Variants in FMN1 observed in about 807,000 individuals in gnomAD.
The protein encoded by FMN1 is formin-1.
Under a neutral mutation model 132.4 loss-of-function variants are expected in FMN1, and 110 were observed. The ratio of observed to expected loss-of-function variants is 0.83; its 90% CI spans 0.71 to 0.97. FMN1 has a LOEUF of 0.97. Ranked by LOEUF, FMN1 falls within the 50% of genes least tolerant of loss-of-function variation. The pLI is 0.00. For missense variants in FMN1, 1,792 were observed against 1,705.3 expected (o/e 1.05, Z -0.90); for synonymous variants, 722 against 651.7 (o/e 1.11, Z -1.64).
rs745802942 is a variant in FMN1 at position 33,154,402 on chromosome 15, G to A, written c.513C>T (p.Ala171=). ...RSSGRRESFG[A]LPQKRTKRKG... is the part of the protein sequence containing the mutation. ...TTCTTTTGGTCCTCTTCTGTGGAAGGGCCCCAAAGCTCTCTCTCCTTCCAC... is the reference window on the plus strand; with the variant it reads ...TTCTTTTGGTCCTCTTCTGTGGAAGAGCCCCAAAGCTCTCTCTCCTTCCAC... The change falls in exon 4 of 21, where the codon GCC becomes GCT. Residue 171 remains alanine, a synonymous_variant. Coordinates refer to ENST00000616417, the MANE Select transcript of FMN1 (RefSeq NM_001277313.2). 6.5e-7 allele frequency: 1 copy of A among 1,536,040 alleles called. No homozygotes were observed. Among genetic ancestry groups the A allele is most frequent in the South Asian group, 1.2e-5 (1 of 84,056 alleles).
intron 4 of FMN1, among the ~76,000 whole-genome samples, chr15:33,124,266 A>ATT (rs3980153): frequency 0.094 from 14,236 of 152,184 alleles, 1,933 homozygotes; most frequent in African/African-American, 0.3. Context: ...AAAAAAACAC[A>ATT]TTGACATTCA....
chr15:32,825,241 A>C (rs900401920), intron 17 of FMN1, among the ~76,000 whole-genome samples: 23 of 152,202 alleles, frequency 1.5e-4, no homozygotes, highest in Admixed American at 1.2e-3. Flanking sequence ...CTTTTAAAAC[A>C]TGAATGTAGT....
intron 4 of FMN1, among the ~76,000 whole-genome samples, chr15:33,105,014 T>C (rs1454014655): frequency 6.6e-6 from 1 of 152,108 alleles, no homozygotes; most frequent in Non-Finnish European, 1.5e-5. Context: ...GGAGATGCCC[T>C]GGGATGTGGC....
At chr15:32,930,077 C>T (rs1300900737) in intron 9 of FMN1, among the ~76,000 whole-genome samples, 1 of 141,770 alleles carries the variant, frequency 7.1e-6, no homozygotes, top group East Asian at 2.1e-4. Flanking sequence ...GCAAGCTCTG[C>T]CTCCCGGGTT....
intron 6 of FMN1, among the ~76,000 whole-genome samples, chr15:33,035,849 G>A (rs1237096960): frequency 6.6e-6 from 1 of 152,174 alleles, no homozygotes; most frequent in African/African-American, 2.4e-5. Flanking sequence ...GAGGTGATTC[G>A]ATCAGACAGC....
chr15:33,056,782 G>A (rs139725705), intron 6 of FMN1, among the ~76,000 whole-genome samples: 113 of 152,294 alleles, frequency 7.4e-4, no homozygotes, highest in African/African-American at 2.5e-3. Context: ...GAAAATAAAT[G>A]AACTACAGGT....
intron 4 of FMN1, among the ~76,000 whole-genome samples, chr15:33,114,772 C>G (rs555067836): frequency 2.7e-4 from 41 of 152,296 alleles, no homozygotes; most frequent in African/African-American, 9.9e-4. Flanking sequence ...AAAACAACTA[C>G]AGAACTATCA....
intron 19 of FMN1, among the ~76,000 whole-genome samples, chr15:32,783,918 C>G (rs1006345867): frequency 6.6e-6 from 1 of 152,092 alleles, no homozygotes; most frequent in African/African-American, 2.4e-5. Flanking sequence ...TAAATCAAGT[C>G]AATTTTCAGA....
intron 18 of FMN1, among the ~76,000 whole-genome samples, chr15:32,800,115 T>C (rs1239076938): frequency 6.6e-6 from 1 of 152,248 alleles, no homozygotes; most frequent in Non-Finnish European, 1.5e-5. Context: ...ATGTATCTCA[T>C]AAGATTTTAT....
intron 4 of FMN1, among the ~76,000 whole-genome samples, chr15:33,115,494 C>T (rs1345725934): frequency 4.3e-5 from 5 of 116,372 alleles, no homozygotes; most frequent in African/African-American, 7.0e-5. Flanking sequence ...TCCTTAAGCC[C>T]CCCCCCCCCA....
intron 7 of FMN1, among the ~76,000 whole-genome samples, chr15:32,994,861 C>T (rs2033669391): frequency 6.6e-6 from 1 of 152,070 alleles, no homozygotes; most frequent in African/African-American, 2.4e-5. Flanking sequence ...TTAAGCACTG[C>T]CTATGAGTAT....
chr15:32,973,879 A>G (rs562765106), intron 7 of FMN1, among the ~76,000 whole-genome samples: 1 of 152,330 alleles, frequency 6.6e-6, no homozygotes, highest in Admixed American at 6.5e-5. Flanking sequence ...TTCACTTTGT[A>G]CCTGGATATT....
chr15:33,024,248 T>C (rs2035563358), intron 6 of FMN1, among the ~76,000 whole-genome samples: 1 of 59,472 alleles, frequency 1.7e-5, no homozygotes, highest in Admixed American at 2.1e-4. Context: ...TTTTTTTTTT[T>C]TTTTTTTTTT....
intron 12 of FMN1, among the ~76,000 whole-genome samples, chr15:32,902,767 T>C (rs1281814107): frequency 6.6e-6 from 1 of 152,174 alleles, no homozygotes; most frequent in Non-Finnish European, 1.5e-5. Context: ...GGGCACTTGT[T>C]CCCTTTGCAA....
intron 6 of FMN1, among the ~76,000 whole-genome samples, chr15:33,019,455 G>T (rs946994613): frequency 2.0e-5 from 3 of 152,238 alleles, no homozygotes; most frequent in African/African-American, 7.2e-5. Context: ...GCCGCAGGTG[G>T]AGCTGCCTGC....
At chr15:33,102,774 T>TG (rs930656831) in intron 4 of FMN1, among the ~76,000 whole-genome samples, 3 of 152,158 alleles carry the variant, frequency 2.0e-5, no homozygotes, top group Non-Finnish European at 4.4e-5. Context: ...TGACTGACAT[T>TG]GGTTTTATTT....
intron 19 of FMN1, among the ~76,000 whole-genome samples, chr15:32,793,530 C>T (rs1203250695): frequency 6.6e-6 from 1 of 152,196 alleles, no homozygotes; most frequent in South Asian, 2.1e-4. Flanking sequence ...ATCCACCCAC[C>T]TCCGCCTCCC....
chr15:32,955,717 T>TG (rs1324334596), intron 9 of FMN1, among the ~76,000 whole-genome samples: 1 of 152,208 alleles, frequency 6.6e-6, no homozygotes, highest in Non-Finnish European at 1.5e-5. Context: ...TTTTTGTGTT[T>TG]TCCAAACAGA....
intron 7 of FMN1, among the ~76,000 whole-genome samples, chr15:32,994,212 C>CCTCTCTCTCTCTCTCTCT (rs771176022): frequency 3.1e-3 from 455 of 146,462 alleles, no homozygotes; most frequent in Middle Eastern, 0.01. Context: ...AGAACTCATT[C>CCTCTCTCTCTCTCTCTCT]CTCTCTCTCT....
Sources: allele counts gnomAD v4.1 joint callset (sites outside exome capture counted in the v4.1 genomes callset), GRCh38; gene constraint gnomAD v4.1.1; transcripts MANE v1.5; gene names NCBI Gene and HGNC (gene_info 2026-07-23, HGNC 2026-07-21).